SLC44A5: variants seen among roughly 807,000 people sequenced by gnomAD.
SLC44A5 encodes the protein solute carrier family 44 member 5.
SLC44A5 carries 57 observed loss-of-function variants against 101.8 expected under a neutral mutation model. The observed-to-expected ratio is 0.56, with a 90% CI of 0.45 to 0.70. SLC44A5 has a LOEUF of 0.70. Among genes scored for constraint, SLC44A5 ranks in the 30% least tolerant of loss-of-function variants. The pLI, the probability that SLC44A5 is intolerant of heterozygous loss-of-function variation, is 0.00. For missense variants in SLC44A5, 737 were observed against 853.1 expected, an observed-to-expected ratio of 0.86 and a Z score of 1.70; for synonymous variants, 281 against 290.9, an observed-to-expected ratio of 0.97 and a Z score of 0.35.
the SLC44A5 span, among the ~76,000 whole-genome samples, chr1:75,666,090 T>A: frequency 6.6e-6 from 1 of 152,162 alleles, no homozygotes; most frequent in African/African-American, 2.4e-5. Flanking sequence ...AAAATGGAAC[T>A]ACCATTCAAA....
intron 2 of SLC44A5, among the ~76,000 whole-genome samples, chr1:75,457,714 C>T (rs907230303): frequency 2.0e-5 from 3 of 152,146 alleles, no homozygotes; most frequent in Admixed American, 6.5e-5. Flanking sequence ...AAAAACTAGC[C>T]GGGCATGGAG....
At chr1:75,631,742 G>A in the SLC44A5 span, among the ~76,000 whole-genome samples, 3 of 151,894 alleles carry the variant, frequency 2.0e-5, no homozygotes, top group Admixed American at 6.6e-5. Flanking sequence ...TCACCATGTT[G>A]GCCAGGCCAG....
the SLC44A5 span, among the ~76,000 whole-genome samples, chr1:75,661,797 T>C: frequency 6.6e-6 from 1 of 152,102 alleles, no homozygotes; most frequent in African/African-American, 2.4e-5. Context: ...CACAATGAGA[T>C]ATCACCTCAT....
intron 23 of SLC44A5, among the ~76,000 whole-genome samples, chr1:75,210,398 A>G (rs1210277752): frequency 6.6e-6 from 1 of 152,160 alleles, no homozygotes; most frequent in Non-Finnish European, 1.5e-5. Context: ...GGAGTTGCAT[A>G]TGCAACTATA....
chr1:75,590,934 G>A, intron 1 of SLC44A5, among the ~76,000 whole-genome samples: 1 of 152,160 alleles, frequency 6.6e-6, no homozygotes, highest in Non-Finnish European at 1.5e-5. Context: ...TAGAGCCCCA[G>A]GGCCTTGAGT....
intron 2 of SLC44A5, among the ~76,000 whole-genome samples, chr1:75,452,217 C>T (rs1332681969): frequency 2.6e-5 from 4 of 152,128 alleles, no homozygotes; most frequent in Admixed American, 2.6e-4. Context: ...AGAAACCTTA[C>T]AAGCCAGGAG....
chr1:75,644,767 C>T, the SLC44A5 span, among the ~76,000 whole-genome samples: 3 of 151,928 alleles, frequency 2.0e-5, no homozygotes, highest in African/African-American at 7.3e-5. Context: ...TTAGGTATAT[C>T]TCCTAATGCT....
intron 22 of SLC44A5, 30 bp downstream of exon 22, chr1:75,213,675 G>A: frequency 7.1e-7 from 1 of 1,414,834 alleles, no homozygotes; most frequent in Non-Finnish European, 1.0e-6. Flanking sequence ...TATTATAGCA[G>A]CCTGTACTGA....
chr1:75,535,375 T>G (rs1220952627), intron 2 of SLC44A5, among the ~76,000 whole-genome samples: 1 of 152,140 alleles, frequency 6.6e-6, no homozygotes, highest in African/African-American at 2.4e-5. Flanking sequence ...AATCCGCAGC[T>G]GAAGTTCAGG....
At chr1:75,698,343 C>A in the SLC44A5 span, among the ~76,000 whole-genome samples, 1 of 152,190 alleles carries the variant, frequency 6.6e-6, no homozygotes, top group African/African-American at 2.4e-5. Context: ...GGGTCCCTGA[C>A]CCCTGATCCC....
At chr1:75,575,357 T>C (rs1399669423) in intron 1 of SLC44A5, among the ~76,000 whole-genome samples, 1 of 152,190 alleles carries the variant, frequency 6.6e-6, no homozygotes, top group African/African-American at 2.4e-5. Flanking sequence ...ATTTAGCATT[T>C]TATAATGTAC....
chr1:75,569,569 A>T (rs1229588408), intron 1 of SLC44A5, among the ~76,000 whole-genome samples: 1 of 152,180 alleles, frequency 6.6e-6, no homozygotes, highest in Non-Finnish European at 1.5e-5. Context: ...CACTTAAAAC[A>T]TTCTATTGAA....
At chr1:75,547,961 G>C (rs1671739389) in intron 1 of SLC44A5, among the ~76,000 whole-genome samples, 1 of 152,136 alleles carries the variant, frequency 6.6e-6, no homozygotes, top group Non-Finnish European at 1.5e-5. Context: ...CAGTTTTTTA[G>C]GGATGGGCTA....
chr1:75,690,310 A>G, the SLC44A5 span, among the ~76,000 whole-genome samples: 4 of 85,356 alleles, frequency 4.7e-5, no homozygotes. Flanking sequence ...TAAAACCATC[A>G]GATCTCATGA....
At chr1:75,698,905 G>A in the SLC44A5 span, among the ~76,000 whole-genome samples, 2 of 152,144 alleles carry the variant, frequency 1.3e-5, no homozygotes, top group Admixed American at 6.6e-5. Context: ...GGGTATCAGC[G>A]ATGGAAGATG....
At chr1:75,641,970 G>A in the SLC44A5 span, 6 of 1,588,750 alleles carry the variant, frequency 3.8e-6, no homozygotes, top group Non-Finnish European at 5.2e-6. Flanking sequence ...TGCCTTTCTG[G>A]TGGAGAATCA....
At chr1:75,604,827 T>C (rs1237398504) in intron 1 of SLC44A5, among the ~76,000 whole-genome samples, 1 of 151,934 alleles carries the variant, frequency 6.6e-6, no homozygotes, top group Non-Finnish European at 1.5e-5. Flanking sequence ...TTGAACATTA[T>C]TGGTGTAAAG....
chr1:75,598,843 G>A (rs1481578327), intron 1 of SLC44A5, among the ~76,000 whole-genome samples: 1 of 152,042 alleles, frequency 6.6e-6, no homozygotes, highest in African/African-American at 2.4e-5. Context: ...TAACACCTGG[G>A]TGATGAAATA....
chr1:75,634,708 C>T, the SLC44A5 span, among the ~76,000 whole-genome samples: 1 of 151,322 alleles, frequency 6.6e-6, no homozygotes, highest in African/African-American at 2.4e-5. Flanking sequence ...ACCATAAAAA[C>T]CCTAGAAGAA....
Sources: allele counts gnomAD v4.1 joint callset (sites outside exome capture counted in the v4.1 genomes callset), GRCh38; gene constraint gnomAD v4.1.1; transcripts MANE v1.5; gene names NCBI Gene and HGNC (gene_info 2026-07-23, HGNC 2026-07-21).